The following RASAL2 variants were observed in gnomAD, a reference collection of about 807,000 sequenced individuals.
The protein encoded by RASAL2 is ras GTPase-activating protein nGAP.
RASAL2 carries 58 observed loss-of-function variants against 128.9 expected under a neutral mutation model. The ratio of observed to expected loss-of-function variants is 0.45; its 90% CI spans 0.36 to 0.56. The LOEUF (loss-of-function observed/expected upper bound fraction) is 0.56, where lower values mean the gene tolerates loss of function less well. RASAL2 is among the 20% of genes least tolerant of loss of function. RASAL2 has a pLI of 0.00. For synonymous variants in RASAL2, 561 were observed against 580.8 expected (o/e 0.97, Z 0.49); for missense variants, 1,360 against 1,601.6 (o/e 0.85, Z 2.57).
At chr1:178,463,068 T>G (rs1647274857) in intron 14 of RASAL2, among the ~76,000 whole-genome samples, 6 of 152,110 alleles carry the variant, frequency 3.9e-5, no homozygotes, top group Admixed American at 3.9e-4. Flanking sequence ...TTTAAAATAT[T>G]TATTTAGAGT....
At chr1:178,191,596 GT>G (rs933400909) in intron 1 of RASAL2, among the ~76,000 whole-genome samples, 2 of 152,148 alleles carry the variant, frequency 1.3e-5, no homozygotes, top group Non-Finnish European at 2.9e-5. Context: ...GTTAGCTTTT[GT>G]TCAGTACAGA....
intron 1 of RASAL2, among the ~76,000 whole-genome samples, chr1:178,277,075 G>A (rs1485777555): frequency 6.1e-5 from 9 of 147,004 alleles, no homozygotes; most frequent in East Asian, 2.1e-4. Context: ...GTGAACCTGC[G>A]AGGCAGAGCT....
rs1676481994 is a variant in RASAL2, at chr1:178,439,521, T to C, written c.774T>C (p.Pro258=). The change falls in exon 6 of 18, where the codon CCT becomes CCC. Residue 258 remains proline, a synonymous_variant. Transcript: ENST00000367649. ...VECLDLGRGE[P]VSVKPLHSSI... The stretch of plus-strand genomic sequence containing the variant: ...GTCTGGATCTTGGTAGAGGGGAACC[T>C]GTATCAGTGAAACCACTTCATAGTA... 1.9e-6 allele frequency: 3 copies of C among 1,612,902 alleles called. No homozygotes were observed. Among genetic ancestry groups the C allele is most frequent in the South Asian group, 2.2e-5 (2 of 91,038 alleles).
At chr1:178,248,637 G>A (rs1256791997) in intron 1 of RASAL2, among the ~76,000 whole-genome samples, 2 of 152,052 alleles carry the variant, frequency 1.3e-5, no homozygotes, top group Non-Finnish European at 1.5e-5. Context: ...TTTCTTTATA[G>A]TGCTGTTCTT....
intron 3 of RASAL2, among the ~76,000 whole-genome samples, chr1:178,331,696 C>G (rs1480972473): frequency 1.4e-5 from 2 of 147,886 alleles, no homozygotes; most frequent in Admixed American, 6.9e-5. Flanking sequence ...AAGTGATTCT[C>G]TTGCCTCAGC....
intron 3 of RASAL2, among the ~76,000 whole-genome samples, chr1:178,331,540 T>G (rs1443399028): frequency 6.6e-6 from 1 of 151,810 alleles, no homozygotes; most frequent in Non-Finnish European, 1.5e-5. Flanking sequence ...CAAACTGTGA[T>G]GAGTGAAATA....
intron 1 of RASAL2, among the ~76,000 whole-genome samples, chr1:178,199,791 T>A (rs887356358): frequency 1.3e-5 from 2 of 152,188 alleles, no homozygotes; most frequent in African/African-American, 4.8e-5. Context: ...GGTCTATCCG[T>A]GAGGGTGTTG....
rs953266316 is a variant in RASAL2 at position 178,443,293 on chromosome 1, T to C, written c.1482+64T>C. ...TCCCTACCTTTCATAAACCAAGATA[T>C]GGATATTGTAGAAATCCAAATTAGA... On this transcript the variant is annotated intron_variant, in intron 8 of 17. Transcript: ENST00000367649. 10 of 1,394,064 alleles carry C rather than the reference T, an allele frequency of 7.2e-6. No homozygotes were observed. In the Admixed American group the frequency reaches 1.1e-4, roughly 15 times the overall value. The allele number at this position is 1,394,064 out of a possible 1,614,324, so 86.4% of individuals were successfully genotyped here. A position where few individuals can be genotyped will look rare whatever the true frequency, so the allele number is the denominator to read the frequency against.
intron 1 of RASAL2, among the ~76,000 whole-genome samples, chr1:178,184,376 C>T (rs1662218883): frequency 1.6e-5 from 2 of 121,648 alleles, no homozygotes; most frequent in African/African-American, 5.6e-5. Flanking sequence ...ATCCAGGTCA[C>T]GTATAATTTT....
intron 1 of RASAL2, among the ~76,000 whole-genome samples, chr1:178,258,906 C>T (rs1665516518): frequency 6.6e-6 from 1 of 151,966 alleles, no homozygotes; most frequent in Non-Finnish European, 1.5e-5. Flanking sequence ...TATATCTATA[C>T]AATAGAATAA....
intron 1 of RASAL2, chr1:178,125,467 C>T (rs895834496): frequency 6.6e-6 from 1 of 152,186 alleles, no homozygotes; most frequent in Admixed American, 6.5e-5. Context: ...GTTCTTCAGG[C>T]TGTACAGGAA....
At chr1:178,107,911 A>G (rs969365489) in intron 1 of RASAL2, among the ~76,000 whole-genome samples, 7 of 152,264 alleles carry the variant, frequency 4.6e-5, no homozygotes, top group South Asian at 2.1e-4. Flanking sequence ...TAATGCTGCT[A>G]TGAGCTTTGG....
intron 1 of RASAL2, among the ~76,000 whole-genome samples, chr1:178,180,663 T>TCACACACACACACACACACA (rs3979280): frequency 0.021 from 2,946 of 139,136 alleles, 50 homozygotes; most frequent in Non-Finnish European, 0.026. Flanking sequence ...CGAGACTGTC[T>TCACACACACACACACACACA]CACACACACA....
intron 3 of RASAL2, among the ~76,000 whole-genome samples, chr1:178,341,896 TTAA>T (rs1389360080): frequency 6.6e-6 from 1 of 152,180 alleles, no homozygotes; most frequent in Non-Finnish European, 1.5e-5. Flanking sequence ...ACTTGTTCTG[TTAA>T]TAATATGAAA....
At chr1:178,146,599 G>C (rs1660738358) in intron 1 of RASAL2, among the ~76,000 whole-genome samples, 2 of 152,114 alleles carry the variant, frequency 1.3e-5, no homozygotes, top group Non-Finnish European at 2.9e-5. Context: ...TTATTCTTAG[G>C]TGATTGAGCA....
chr1:178,160,061 CT>C (rs932032437), intron 1 of RASAL2, among the ~76,000 whole-genome samples: 102 of 144,624 alleles, frequency 7.1e-4, no homozygotes, highest in East Asian at 1.2e-3. Context: ...TTCTTTCTTT[CT>C]TTTTTTTTTT....
At chr1:178,374,040 C>T (rs1433624848) in intron 3 of RASAL2, among the ~76,000 whole-genome samples, 2 of 152,102 alleles carry the variant, frequency 1.3e-5, no homozygotes, top group Non-Finnish European at 1.5e-5. Context: ...GAATAGACAG[C>T]AATGTATCCC....
intron 3 of RASAL2, among the ~76,000 whole-genome samples, chr1:178,312,421 C>T (rs1668303339): frequency 6.6e-6 from 1 of 152,032 alleles, no homozygotes; most frequent in Admixed American, 6.6e-5. Context: ...TTTTCCAGTC[C>T]AGAATTGTAT....
At chr1:178,268,649 A>G (rs908282544) in intron 1 of RASAL2, among the ~76,000 whole-genome samples, 2 of 152,066 alleles carry the variant, frequency 1.3e-5, no homozygotes, top group African/African-American at 4.8e-5. Context: ...GAGGAGGGGT[A>G]TTGCTTGCTC....
Sources: gnomAD v4.1 joint callset for allele counts (sites outside exome capture counted in the v4.1 genomes callset) on GRCh38, gnomAD v4.1.1 for gene constraint, MANE v1.5 for transcripts, NCBI Gene and HGNC (gene_info 2026-07-23, HGNC 2026-07-21) for gene names.